The following AKT3 variants were observed in gnomAD, a reference collection of about 807,000 sequenced individuals.
AKT3 encodes the protein AKT serine/threonine kinase 3.
Under a neutral mutation model 65.3 loss-of-function variants are expected in AKT3, and 15 were observed. The observed-to-expected ratio is 0.23, with a 90% confidence interval of 0.15 to 0.35. The LOEUF (loss-of-function observed/expected upper bound fraction) is 0.35. Ranked by LOEUF, AKT3 falls within the 10% of genes least tolerant of loss-of-function variation. The pLI is 1.00. For missense variants in AKT3, 243 were observed against 576.5 expected (o/e 0.42, Z 5.92); for synonymous variants, 206 against 183.8 (o/e 1.12, Z -0.98).
chr1:243,633,911 A>G (rs1679788886), intron 6 of AKT3, among the ~76,000 whole-genome samples: 1 of 152,166 alleles, frequency 6.6e-6, no homozygotes, highest in Non-Finnish European at 1.5e-5. Context: ...ACTGGGTAAA[A>G]GTGAAAGAGA....
intron 2 of AKT3, among the ~76,000 whole-genome samples, chr1:243,718,814 G>A (rs1037835977): frequency 1.3e-5 from 2 of 151,998 alleles, no homozygotes; most frequent in Non-Finnish European, 1.5e-5. Flanking sequence ...AAAATGAATT[G>A]ATGAATTTTT....
At chr1:243,817,405 T>C (rs1352622347) in intron 2 of AKT3, among the ~76,000 whole-genome samples, 1 of 152,240 alleles carries the variant, frequency 6.6e-6, no homozygotes, top group Non-Finnish European at 1.5e-5. Context: ...GTCTGTAGTA[T>C]AAGATACTTG....
intron 2 of AKT3, among the ~76,000 whole-genome samples, chr1:243,819,650 G>A (rs1004908003): frequency 3.3e-5 from 5 of 152,212 alleles, no homozygotes; most frequent in East Asian, 1.9e-4. Context: ...ACAGCTGGAC[G>A]ATTTCATTAA....
chr1:243,768,759 G>A (rs1046264468), intron 2 of AKT3, among the ~76,000 whole-genome samples: 5 of 150,282 alleles, frequency 3.3e-5, no homozygotes, highest in South Asian at 4.2e-4. Flanking sequence ...CACTTGAACC[G>A]AGGAGGCAGA....
chr1:243,793,063 C>T lies in AKT3; in HGVS notation c.46+50062G>A, dbSNP rs576508952. On this transcript the variant is annotated intron_variant, in intron 2 of 13. Transcript: ENST00000673466. ...ATCAGGAGTAACACCCGAAGTGAAG[C>T]AGCAGCACTTACAATGTCACACATC... The T allele has an allele frequency of 3.7e-4, 57 of 152,278 alleles. 1 individual carries two copies. Among genetic ancestry groups the T allele is most frequent in the African/African-American group, 1.3e-3 (53 of 41,564 alleles). The allele number at this position is 152,278 out of a possible 1,614,324, so 9.4% of individuals were successfully genotyped here.
intron 2 of AKT3, among the ~76,000 whole-genome samples, chr1:243,714,552 C>T (rs931321518): frequency 6.6e-6 from 1 of 152,218 alleles, no homozygotes; most frequent in African/African-American, 2.4e-5. Flanking sequence ...GTAACTCTTC[C>T]TCATATACAT....
At position 243,552,844 on chromosome 1, in the gene AKT3, C is replaced by T. The variant is rs1673169819; in HGVS notation, c.1048G>A (p.Asp350Asn). Reference protein sequence around the residue: ...MCGRLPFYNQDHEKLFELILM... With the variant: ...MCGRLPFYNQNHEKLFELILM... Reference sequence around the variant, plus strand: ...ATTAATTCAAAAAGTTTCTCATGGTCCTGGTTGTAGAAAGGTAACCTCCCA... The same window carrying T: ...ATTAATTCAAAAAGTTTCTCATGGTTCTGGTTGTAGAAAGGTAACCTCCCA... The change falls in exon 11 of 14, where the codon GAC (aspartate) becomes AAC (asparagine). Residue 350 changes from aspartate (D) to asparagine (N), a missense_variant. Physicochemically the swap from Asp to Asn is conservative, Grantham distance 23 (BLOSUM62 1). This residue lies in a region of AKT3 where 20 missense variants were observed against 68.4 expected (regional missense o/e 0.29). Transcript: ENST00000673466. 1 of 1,613,930 alleles carries T rather than the reference C, an allele frequency of 6.2e-7. No individual in the cohort carries two copies. Among genetic ancestry groups the T allele is most frequent in the Non-Finnish European group, 8.5e-7 (1 of 1,179,944 alleles).
rs1676454885 is a variant in AKT3, at chr1:243,594,400, A to G, written c.696+19271T>C. Among the ~76,000 whole-genome samples, 3 of 152,328 alleles carry G rather than the reference A, an allele frequency of 2.0e-5. No homozygotes were observed. In the South Asian group the frequency reaches 6.2e-4, roughly 32 times the overall value. ...TGACATGATAATAAATTTATATGAA[A>G]ATGCAGAGGACACAGAAGAGTCAAA... On this transcript the variant is annotated intron_variant, in intron 8 of 13. Transcript: ENST00000673466.
rs1362532336 is a variant in AKT3, at chr1:243,504,017, A to G, written c.*1232T>C. ...CTCATTTTCAGTACCAAGGGGTTAA[A>G]TGGCAGCATCTCTTCTCCCAAAGCC... On this transcript the variant is annotated 3_prime_UTR_variant, in exon 14 of 14. Transcript: ENST00000673466. The G allele has an allele frequency of 4.4e-6, 1 of 225,318 alleles. No homozygotes were observed. Among genetic ancestry groups the G allele is most frequent in the Non-Finnish European group, 8.9e-6 (1 of 112,786 alleles). The allele number at this position is 225,318 out of a possible 1,614,324, so 14.0% of individuals were successfully genotyped here.
chr1:243,559,882 T>G (rs1470546819), intron 10 of AKT3, among the ~76,000 whole-genome samples: 1 of 152,126 alleles, frequency 6.6e-6, no homozygotes, highest in African/African-American at 2.4e-5. Context: ...AATGGTAATG[T>G]ACTAGAAATT....
At chr1:243,658,000 T>A (rs1174777990) in intron 4 of AKT3, among the ~76,000 whole-genome samples, 1 of 151,982 alleles carries the variant, frequency 6.6e-6, no homozygotes, top group African/African-American at 2.4e-5. Flanking sequence ...AGAATAAATA[T>A]AAGACATGAA....
At chr1:243,497,054 T>C (rs74153904), downstream of AKT3, among the ~76,000 whole-genome samples, 2,005 of 152,236 alleles carry the variant, frequency 0.013, 41 homozygotes, top group African/African-American at 0.046. Flanking sequence ...GGCTGAGGGC[T>C]CATGTCCCAC....
rs1304687815 is a variant in AKT3, at chr1:243,504,647, T to C, written c.*602A>G. ...TTAAAAAAAAAAAATTATATATATATATATATATCCCAACAGTTGTTCAGT... is the reference window on the plus strand; with the variant it reads ...TTAAAAAAAAAAAATTATATATATACATATATATCCCAACAGTTGTTCAGT... On this transcript the variant is annotated 3_prime_UTR_variant, in exon 14 of 14. Coordinates refer to ENST00000673466, the MANE Select transcript of AKT3 (RefSeq NM_005465.7). 1.2e-5 allele frequency: 2 copies of C among 173,274 alleles called. No homozygotes were observed. Among genetic ancestry groups the C allele is most frequent in the African/African-American group, 4.8e-5 (2 of 41,950 alleles). 10.7% of individuals were successfully genotyped at this position (173,274 alleles called of 1,614,324 possible).
intron 5 of AKT3, among the ~76,000 whole-genome samples, chr1:243,645,567 C>T (rs1232431624): frequency 6.6e-6 from 1 of 152,068 alleles, no homozygotes; most frequent in Non-Finnish European, 1.5e-5. Context: ...AAGAACAAAT[C>T]ATCAGGGAAA....
At chr1:243,777,781 T>C (rs900732847) in intron 2 of AKT3, among the ~76,000 whole-genome samples, 2 of 152,112 alleles carry the variant, frequency 1.3e-5, no homozygotes, top group African/African-American at 4.8e-5. Context: ...CATAAAATCA[T>C]CCTGAAAGTA....
chr1:243,500,776 G>A lies in AKT3; in HGVS notation c.*4473C>T, dbSNP rs963908607. ...GTGATGTGGATTAGGCTTTGGAGGC[G>A]GTGGCATGATCTACACACAGAGACC... is the stretch of plus-strand genomic sequence containing the variant. On this transcript the variant is annotated 3_prime_UTR_variant, in exon 14 of 14. Coordinates refer to ENST00000673466, the MANE Select transcript of AKT3 (RefSeq NM_005465.7). 15 of 204,224 alleles carry A rather than the reference G, an allele frequency of 7.3e-5. No homozygotes were observed. Among genetic ancestry groups the A allele is most frequent in the South Asian group, 2.1e-4 (1 of 4,660 alleles). 12.7% of individuals were successfully genotyped at this position (204,224 alleles called of 1,614,324 possible).
chr1:243,614,590 G>A (rs1228686298), intron 7 of AKT3, among the ~76,000 whole-genome samples: 1 of 152,028 alleles, frequency 6.6e-6, no homozygotes, highest in Non-Finnish European at 1.5e-5. Flanking sequence ...CACCTCTAAT[G>A]TATTTAGCAT....
At position 243,552,721 on chromosome 1, in the gene AKT3, A is replaced by G. The variant is rs749053517; in HGVS notation, c.1163+8T>C. On this transcript the variant is annotated splice_region_variant and intron_variant, in intron 11 of 13. Coordinates refer to ENST00000673466, the MANE Select transcript of AKT3 (RefSeq NM_005465.7). ...TCAGTAATTCACTAAGCGTTATTTG[A>G]GGCTTACCGTTTATTTGGATCCTTT... The G allele has an allele frequency of 6.8e-6, 11 of 1,610,012 alleles. No individual in the cohort carries two copies. Among genetic ancestry groups the G allele is most frequent in the South Asian group, 1.1e-5 (1 of 90,954 alleles).
At chr1:243,782,371 A>G (rs550837407) in intron 2 of AKT3, among the ~76,000 whole-genome samples, 5 of 152,332 alleles carry the variant, frequency 3.3e-5, no homozygotes, top group Admixed American at 6.5e-5. Flanking sequence ...TGGAAGTCCA[A>G]GTACAAGGCA....
Sources: gnomAD v4.1 joint callset for allele counts (sites outside exome capture counted in the v4.1 genomes callset) on GRCh38, gnomAD v4.1.1 for gene constraint, gnomAD v4.1.1 regional missense constraint, MANE v1.5 for transcripts, NCBI Gene and HGNC (gene_info 2026-07-23, HGNC 2026-07-21) for gene names.